Variants in ZFHX3 observed in about 807,000 individuals in gnomAD.
ZFHX3 encodes the protein zinc finger homeobox 3.
ZFHX3 carries 42 observed loss-of-function variants against 279.1 expected under a neutral mutation model. The observed-to-expected ratio is 0.15, with a 90% CI of 0.12 to 0.19. ZFHX3 has a LOEUF of 0.19. Ranked by LOEUF, ZFHX3 falls within the 10% of genes least tolerant of loss-of-function variation. The probability of loss-of-function intolerance (pLI) is 1.00; values close to 1 mark genes in which losing one functional copy is unlikely to be tolerated. For synonymous variants in ZFHX3, 2,293 were observed against 1,957.8 expected (o/e 1.17, Z -4.52); for missense variants, 4,981 against 4,754.0 (o/e 1.05, Z -1.40).
At chr16:73,309,079 T>G (rs1329233723) in intron 4 of ZFHX3, among the ~76,000 whole-genome samples, 1 of 152,098 alleles carries the variant, frequency 6.6e-6, no homozygotes, top group African/African-American at 2.4e-5. Flanking sequence ...TATTATGATT[T>G]TTTAATCTTT....
intron 5 of ZFHX3, among the ~76,000 whole-genome samples, chr16:72,820,705 G>C (rs1027341423): frequency 6.6e-6 from 1 of 152,122 alleles, no homozygotes; most frequent in Non-Finnish European, 1.5e-5. Flanking sequence ...TGTGAGGATG[G>C]GTGGCCACAG....
intron 5 of ZFHX3, among the ~76,000 whole-genome samples, chr16:73,223,588 T>G (rs1023770376): frequency 6.6e-6 from 1 of 152,172 alleles, no homozygotes; most frequent in Non-Finnish European, 1.5e-5. Context: ...ATAGGAACTC[T>G]CATTTACTGC....
chr16:73,629,160 T>C (rs1226748129), intron 2 of ZFHX3, among the ~76,000 whole-genome samples: 1 of 152,204 alleles, frequency 6.6e-6, no homozygotes, highest in Admixed American at 6.5e-5. Context: ...GTGTCATCTG[T>C]GTGTGTGCAC....
At position 72,788,837 on chromosome 16, in the gene ZFHX3, G is replaced by A; in HGVS notation, c.9439C>T (p.Pro3147Ser). ...GGCAGACCCATCAAGTTCGGCTTAG[G>A]AGACGTTAAAGCTGAAAGGAATGGA... Reference protein sequence around the residue: ...FTPSNTALTSPKPNLMGLPST... With the variant: ...FTPSNTALTSSKPNLMGLPST... The change falls in exon 10 of 10, where the codon CCT becomes TCT. Residue 3147 changes from proline (P) to serine (S), a missense_variant. By Grantham distance (74) the Pro-to-Ser change is moderately conservative. This residue lies in a region of ZFHX3 where 1,034 missense variants were observed against 786.0 expected (regional missense o/e 1.32). Transcript: ENST00000268489. 6.6e-7 allele frequency: 1 copy of A among 1,521,092 alleles called. No homozygotes were observed. The highest frequency in any genetic ancestry group is 8.8e-7 in the Non-Finnish European group (1 of 1,137,278). 94.2% of individuals were successfully genotyped at this position (1,521,092 alleles called of 1,614,324 possible).
At chr16:72,924,602 G>C (rs1017977481) in intron 3 of ZFHX3, among the ~76,000 whole-genome samples, 1 of 152,196 alleles carries the variant, frequency 6.6e-6, no homozygotes, top group Non-Finnish European at 1.5e-5. Context: ...CAGGCCCACA[G>C]AGAGGCCGCG....
At chr16:73,792,640 G>A (rs1409419858) in intron 1 of ZFHX3, among the ~76,000 whole-genome samples, 1 of 152,210 alleles carries the variant, frequency 6.6e-6, no homozygotes, top group African/African-American at 2.4e-5. Context: ...GGGTGAAATT[G>A]TGGACCTAAG....
chr16:73,514,113 T>C (rs2019480655), intron 2 of ZFHX3, among the ~76,000 whole-genome samples: 1 of 152,000 alleles, frequency 6.6e-6, no homozygotes, highest in South Asian at 2.1e-4. Flanking sequence ...CTGAACATGG[T>C]GGCACGCACC....
chr16:73,454,603 A>T (rs540686625), intron 3 of ZFHX3, among the ~76,000 whole-genome samples: 1 of 149,708 alleles, frequency 6.7e-6, no homozygotes, highest in Non-Finnish European at 1.5e-5. Context: ...ATTTACACAG[A>T]TCTCAATTTC....
chr16:73,766,449 G>A (rs1424136291), intron 1 of ZFHX3, among the ~76,000 whole-genome samples: 1 of 152,128 alleles, frequency 6.6e-6, no homozygotes, highest in East Asian at 1.9e-4. Context: ...CCAAGAATAA[G>A]GGACAGCAGC....
intron 4 of ZFHX3, among the ~76,000 whole-genome samples, chr16:73,274,279 G>C (rs572326616): frequency 1.5e-3 from 224 of 152,268 alleles, no homozygotes; most frequent in Non-Finnish European, 2.4e-3. Flanking sequence ...TTTCCAATTT[G>C]TTAGTTGACT....
chr16:73,216,373 T>A (rs2012208223), intron 5 of ZFHX3, among the ~76,000 whole-genome samples: 1 of 152,160 alleles, frequency 6.6e-6, no homozygotes, highest in South Asian at 2.1e-4. Context: ...TGCAAATCCT[T>A]CCCCAACTGA....
intron 5 of ZFHX3, among the ~76,000 whole-genome samples, chr16:73,246,543 C>T (rs999960785): frequency 1.3e-5 from 2 of 152,126 alleles, no homozygotes; most frequent in African/African-American, 2.4e-5. Context: ...TCCTCCATGA[C>T]CATAGCCTCA....
chr16:73,649,925 C>CAA (rs1321252132), intron 2 of ZFHX3, among the ~76,000 whole-genome samples: 1 of 152,130 alleles, frequency 6.6e-6, no homozygotes, highest in African/African-American at 2.4e-5. Context: ...TGGTGTGGTT[C>CAA]AGATAGATCT....
chr16:72,906,858 G>C (rs2144160736), intron 3 of ZFHX3, among the ~76,000 whole-genome samples: 1 of 152,274 alleles, frequency 6.6e-6, no homozygotes, highest in African/African-American at 2.4e-5. Flanking sequence ...CAAAATGGTA[G>C]GAGTTGGGGA....
intron 5 of ZFHX3, among the ~76,000 whole-genome samples, chr16:72,812,655 C>G (rs552594052): frequency 6.6e-6 from 1 of 152,234 alleles, no homozygotes; most frequent in South Asian, 2.1e-4. Flanking sequence ...CTAGGCAGGG[C>G]CTGAATCCAA....
At chr16:73,622,027 C>T (rs990009146) in intron 2 of ZFHX3, among the ~76,000 whole-genome samples, 2 of 152,084 alleles carry the variant, frequency 1.3e-5, no homozygotes, top group Non-Finnish European at 2.9e-5. Context: ...TTTCATTTTC[C>T]CCTTTGTTTC....
intron 3 of ZFHX3, among the ~76,000 whole-genome samples, chr16:72,912,848 C>T (rs547013503): frequency 6.6e-6 from 1 of 152,270 alleles, no homozygotes; most frequent in East Asian, 1.9e-4. Flanking sequence ...CCTCAGTCTC[C>T]CAAGTAGCTG....
chr16:73,608,080 A>G (rs1433360917), intron 2 of ZFHX3, among the ~76,000 whole-genome samples: 1 of 138,774 alleles, frequency 7.2e-6, no homozygotes, highest in African/African-American at 3.3e-5. Flanking sequence ...TCTCAAAAGA[A>G]AAAAAAAAAA....
chr16:72,962,091 G>GCCC (rs1480188348), intron 1 of ZFHX3, among the ~76,000 whole-genome samples: 6 of 152,316 alleles, frequency 3.9e-5, no homozygotes, highest in African/African-American at 1.2e-4. Flanking sequence ...AGGGTTAACA[G>GCCC]CCCGATTGTA....
Sources: gnomAD v4.1 joint callset for allele counts (sites outside exome capture counted in the v4.1 genomes callset) on GRCh38, gnomAD v4.1.1 for gene constraint, gnomAD v4.1.1 regional missense constraint, MANE v1.5 for transcripts, NCBI Gene and HGNC (gene_info 2026-07-23, HGNC 2026-07-21) for gene names.